Variants in ACOXL observed in about 807,000 individuals in gnomAD.
ACOXL encodes acyl-coenzyme A oxidase-like protein.
A neutral mutation model predicts 71.9 loss-of-function variants in ACOXL; 70 were observed. The ratio of observed to expected loss-of-function variants is 0.97; its 90% CI spans 0.80 to 1.19. ACOXL has a LOEUF of 1.19. Ranked by LOEUF, ACOXL falls within the 50% of genes most tolerant of loss-of-function variation. The pLI is 0.00. For synonymous variants in ACOXL, 253 were observed against 281.6 expected, an observed-to-expected ratio of 0.90 and a Z score of 1.02; for missense variants, 703 against 736.3, an observed-to-expected ratio of 0.95 and a Z score of 0.52.
chr2:110,777,074 C>T (rs748479005), intron 2 of ACOXL, among the ~76,000 whole-genome samples: 44 of 152,082 alleles, frequency 2.9e-4, no homozygotes, highest in Non-Finnish European at 4.4e-4. Context: ...GATAGGGTCA[C>T]CGTATACTGG....
At position 110,987,153 on chromosome 2, in the gene ACOXL, GA is replaced by G; in HGVS notation, c.1110del (p.Lys370AsnfsTer18). On this transcript the variant is annotated frameshift_variant, in exon 13 of 18. Transcript: ENST00000439055. LOFTEE classifies it high-confidence loss of function. ...GGCCCAATACACCAAACAGTATGAA[GA>G]AAAACCACTCTTTGGCCTGCTCCAA... Reference protein sequence around the residue: ...LLAQYTKQYEEKPLFGLLQNW... With the variant: ...LLAQYTKQYEXKPLFGLLQNW... 1 of 1,579,326 alleles carries G rather than the reference GA, an allele frequency of 6.3e-7. No individual in the cohort carries two copies. The highest frequency in any genetic ancestry group is 8.6e-7 in the Non-Finnish European group (1 of 1,159,552).
At chr2:111,049,412 T>C in intron 16 of ACOXL, 124 bp downstream of exon 16, 1 of 760,204 alleles carries the variant, frequency 1.3e-6, no homozygotes, top group South Asian at 1.7e-5. Context: ...TCCAGGGGGA[T>C]AAGCTTGTCA....
chr2:111,040,438 C>T (rs1021981371), intron 15 of ACOXL, among the ~76,000 whole-genome samples: 7 of 152,192 alleles, frequency 4.6e-5, no homozygotes, highest in African/African-American at 1.7e-4. Flanking sequence ...GAGCACCCTT[C>T]CTCATTCCCT....
At chr2:110,941,257 A>C (rs1479578856) in intron 12 of ACOXL, among the ~76,000 whole-genome samples, 2 of 152,174 alleles carry the variant, frequency 1.3e-5, no homozygotes, top group Non-Finnish European at 2.9e-5. Flanking sequence ...TGTGCATGGA[A>C]TTGCAAGGCC....
intron 9 of ACOXL, among the ~76,000 whole-genome samples, chr2:110,811,294 G>A (rs540582013): frequency 3.9e-5 from 6 of 152,216 alleles, no homozygotes; most frequent in Non-Finnish European, 7.3e-5. Flanking sequence ...AGTAAGGAGT[G>A]TCTCTGTAGG....
intron 12 of ACOXL, among the ~76,000 whole-genome samples, chr2:110,979,117 G>C (rs540903153): frequency 6.6e-6 from 1 of 152,150 alleles, no homozygotes; most frequent in Admixed American, 6.5e-5. Flanking sequence ...CCCTGCGCTA[G>C]GGAAGGTGGA....
chr2:110,756,967 G>T (rs181077048), intron 1 of ACOXL, among the ~76,000 whole-genome samples: 33 of 152,194 alleles, frequency 2.2e-4, no homozygotes, highest in African/African-American at 7.5e-4. Context: ...AACGTGGGCC[G>T]TGGTGGTTTG....
chr2:110,744,262 G>A (rs1677909456), intron 1 of ACOXL, among the ~76,000 whole-genome samples: 1 of 152,222 alleles, frequency 6.6e-6, no homozygotes, highest in African/African-American at 2.4e-5. Flanking sequence ...GGTGCTCTGG[G>A]CCCAAGGAAC....
intron 17 of ACOXL, among the ~76,000 whole-genome samples, chr2:111,112,593 C>T (rs551193246): frequency 6.6e-6 from 1 of 152,304 alleles, no homozygotes; most frequent in Admixed American, 6.5e-5. Flanking sequence ...ATAAGCCAGG[C>T]CAAGGCCTCT....
At chr2:110,764,561 T>C (rs1267819458) in intron 1 of ACOXL, among the ~76,000 whole-genome samples, 6 of 152,208 alleles carry the variant, frequency 3.9e-5, no homozygotes, top group African/African-American at 1.2e-4. Flanking sequence ...CGTATGATAC[T>C]ATAATAGTAG....
At chr2:110,902,601 A>G (rs539141706) in intron 10 of ACOXL, among the ~76,000 whole-genome samples, 33 of 152,326 alleles carry the variant, frequency 2.2e-4, no homozygotes, top group Non-Finnish European at 3.4e-4. Flanking sequence ...GGTGAGGCTT[A>G]GGGCTGAAGA....
chr2:110,855,461 GA>G (rs199889839), intron 10 of ACOXL, among the ~76,000 whole-genome samples: 1,997 of 152,282 alleles, frequency 0.013, 29 homozygotes, highest in East Asian at 0.044. Context: ...GCAGAGCTGT[GA>G]ATATGAGATA....
At chr2:110,752,271 G>A (rs1679086244) in intron 1 of ACOXL, among the ~76,000 whole-genome samples, 1 of 152,066 alleles carries the variant, frequency 6.6e-6, no homozygotes, top group South Asian at 2.1e-4. Context: ...GCCTCTCAAA[G>A]TGCTGGGATT....
In ACOXL at chr2:110,882,479, C is replaced by T. The variant is rs1362614770; in HGVS notation, c.789-26310C>T. 2.0e-5 allele frequency among the ~76,000 whole-genome samples: 3 copies of T among 151,922 alleles called. No homozygotes were observed. In the East Asian group the frequency reaches 5.8e-4, roughly 29 times the overall value. On this transcript the variant is annotated intron_variant, in intron 10 of 17. Coordinates refer to ENST00000439055, the MANE Select transcript of ACOXL (RefSeq NM_001142807.4). ...AGAAGTTTTTAATTTTCATAAAACC[C>T]AACATATTATTTTTTTTCTTTTATG... is the stretch of plus-strand genomic sequence containing the variant.
intron 12 of ACOXL, among the ~76,000 whole-genome samples, chr2:110,943,165 A>G (rs2341918): frequency 1.0e-5 from 1 of 99,516 alleles, no homozygotes; most frequent in Non-Finnish European, 2.3e-5. Context: ...AGAAAAAGAA[A>G]AAGGGAGGGA....
intron 12 of ACOXL, among the ~76,000 whole-genome samples, chr2:110,934,951 G>A (rs550147853): frequency 3.3e-5 from 5 of 152,304 alleles, no homozygotes; most frequent in African/African-American, 1.2e-4. Flanking sequence ...GGGCAATGGC[G>A]CGATGTGACT....
chr2:110,864,945 AAGT>A (rs1488344547), intron 10 of ACOXL, among the ~76,000 whole-genome samples: 1 of 152,148 alleles, frequency 6.6e-6, no homozygotes, highest in African/African-American at 2.4e-5. Flanking sequence ...GTTTTCTAGC[AAGT>A]GGGTTGATGT....
chr2:111,064,120 G>A (rs939417436), intron 16 of ACOXL, among the ~76,000 whole-genome samples: 1 of 152,066 alleles, frequency 6.6e-6, no homozygotes, highest in Non-Finnish European at 1.5e-5. Context: ...CAAAATCTAG[G>A]GAGGCACAAG....
intron 9 of ACOXL, among the ~76,000 whole-genome samples, chr2:110,836,838 G>T (rs1301154832): frequency 6.6e-6 from 1 of 152,250 alleles, no homozygotes; most frequent in Non-Finnish European, 1.5e-5. Context: ...TCGCCTATGC[G>T]TAGATTCAGA....
Sources: gnomAD v4.1 joint callset for allele counts (sites outside exome capture counted in the v4.1 genomes callset) on GRCh38, gnomAD v4.1.1 for gene constraint, MANE v1.5 for transcripts, NCBI Gene and HGNC (gene_info 2026-07-23, HGNC 2026-07-21) for gene names.